Variants in CPVL observed in about 807,000 individuals in gnomAD.
CPVL encodes the protein carboxypeptidase vitellogenic like.
CPVL carries 51 observed loss-of-function variants against 63.7 expected under a neutral mutation model. The observed-to-expected ratio is 0.80, with a 90% CI of 0.64 to 1.01. The LOEUF (loss-of-function observed/expected upper bound fraction) is 1.01. Ranked by LOEUF, CPVL falls within the 50% of genes least tolerant of loss-of-function variation. The pLI is 0.00. For synonymous variants in CPVL, 195 were observed against 206.0 expected (o/e 0.95, Z 0.46); for missense variants, 530 against 573.1 (o/e 0.92, Z 0.77).
chr7:29,172,356 C>T (rs1169776128), intron 5 of CPVL, among the ~76,000 whole-genome samples: 1 of 152,216 alleles, frequency 6.6e-6, no homozygotes, highest in East Asian at 1.9e-4. Context: ...GTGACTTCTA[C>T]ACCTAGGCTC....
chr7:29,031,777 T>C (rs1159904829), intron 11 of CPVL, among the ~76,000 whole-genome samples: 3 of 152,072 alleles, frequency 2.0e-5, no homozygotes, highest in Admixed American at 1.3e-4. Context: ...AAGAATTCTA[T>C]AGGATATTAT....
At chr7:29,109,351 A>G (rs1447843308) in intron 3 of CPVL, among the ~76,000 whole-genome samples, 1 of 152,196 alleles carries the variant, frequency 6.6e-6, no homozygotes, top group Non-Finnish European at 1.5e-5. Flanking sequence ...GGATATGACA[A>G]GTGTGCCATC....
intron 9 of CPVL, among the ~76,000 whole-genome samples, chr7:29,070,989 G>A (rs1421474240): frequency 1.3e-5 from 2 of 152,012 alleles, no homozygotes; most frequent in African/African-American, 2.4e-5. Context: ...TAAAGCCCTC[G>A]AAATTCAGAC....
At chr7:29,183,648 A>G (rs1798346040) in intron 4 of CPVL, among the ~76,000 whole-genome samples, 1 of 151,980 alleles carries the variant, frequency 6.6e-6, no homozygotes, top group African/African-American at 2.4e-5. Flanking sequence ...AAGTACTAGG[A>G]TTACAGGTGT....
exon 2 of CPVL, chr7:29,186,536 CTG>C (rs1798739865): frequency 1.3e-5 from 2 of 150,192 alleles, no homozygotes; most frequent in South Asian, 4.2e-4. Context: ...GATCGTGTCA[CTG>C]TATTGCAGCC....
chr7:29,184,562 A>T (rs1306872924), intron 3 of CPVL: 1 of 152,152 alleles, frequency 6.6e-6, no homozygotes, highest in Admixed American at 6.5e-5. Context: ...AAGGCAGGAA[A>T]ACAGCTGATG....
At chr7:29,057,466 C>T (rs903273588) in intron 11 of CPVL, among the ~76,000 whole-genome samples, 3 of 152,144 alleles carry the variant, frequency 2.0e-5, no homozygotes, top group East Asian at 1.9e-4. Context: ...ATTTACTTGA[C>T]ATTGTTTTTG....
chr7:29,113,902 C>T (rs1788504360), intron 2 of CPVL: 1 of 152,216 alleles, frequency 6.6e-6, no homozygotes, highest in South Asian at 2.1e-4. Flanking sequence ...TTAGTGGTGA[C>T]AAAGAATGTG....
At chr7:29,181,574 C>T (rs961519881) in intron 4 of CPVL, among the ~76,000 whole-genome samples, 5 of 151,998 alleles carry the variant, frequency 3.3e-5, no homozygotes, top group African/African-American at 1.2e-4. Context: ...TTTTATATTG[C>T]CATTAAAAGT....
intron 5 of CPVL, among the ~76,000 whole-genome samples, chr7:29,161,985 A>G (rs1441230842): frequency 1.3e-5 from 2 of 152,152 alleles, no homozygotes; most frequent in South Asian, 2.1e-4. Flanking sequence ...TCACTTATAA[A>G]CCTATTAGAA....
chr7:29,144,900 T>C (rs1334036966), intron 1 of CPVL, among the ~76,000 whole-genome samples: 1 of 152,174 alleles, frequency 6.6e-6, no homozygotes, highest in East Asian at 1.9e-4. Context: ...AGAATCCCAC[T>C]ATAAAGTGAT....
intron 11 of CPVL, among the ~76,000 whole-genome samples, chr7:29,046,846 T>A (rs898884254): frequency 3.9e-5 from 6 of 152,272 alleles, no homozygotes; most frequent in African/African-American, 1.4e-4. Flanking sequence ...TATCCTTTCA[T>A]CACCATGTTT....
chr7:29,106,595 T>C (rs1236973407), intron 3 of CPVL, among the ~76,000 whole-genome samples: 1 of 152,038 alleles, frequency 6.6e-6, no homozygotes, highest in Non-Finnish European at 1.5e-5. Flanking sequence ...AAGCTTAATA[T>C]TGTGCTTGCT....
chr7:29,130,716 T>C (rs577696958), intron 1 of CPVL, among the ~76,000 whole-genome samples: 3 of 152,348 alleles, frequency 2.0e-5, no homozygotes, highest in South Asian at 4.1e-4. Context: ...GTATTTTCCA[T>C]ATACCACTAT....
At chr7:29,025,622 A>G (rs1787418286) in intron 12 of CPVL, among the ~76,000 whole-genome samples, 2 of 152,230 alleles carry the variant, frequency 1.3e-5, no homozygotes, top group African/African-American at 4.8e-5. Flanking sequence ...CTGCAAAGAC[A>G]CATACAGACT....
At chr7:29,184,867 C>T (rs1156278118) in intron 3 of CPVL, among the ~76,000 whole-genome samples, 2 of 152,150 alleles carry the variant, frequency 1.3e-5, no homozygotes, top group Non-Finnish European at 2.9e-5. Flanking sequence ...TAATTATTCA[C>T]CCTTTCAATG....
In CPVL at chr7:29,092,607, A is replaced by T; in HGVS notation, c.542+16T>A. On this transcript the variant is annotated intron_variant, in intron 6 of 12. Transcript: ENST00000265394. ...TTTGGTCTTAGGAAAGCCAAGAGAAAGCAGGAGCATTTTACCTGTATAAAT... is the reference window on the plus strand; with the variant it reads ...TTTGGTCTTAGGAAAGCCAAGAGAATGCAGGAGCATTTTACCTGTATAAAT... The T allele has an allele frequency of 1.3e-6, 2 of 1,590,220 alleles. No homozygotes were observed. Among genetic ancestry groups the T allele is most frequent in the South Asian group, 2.2e-5 (2 of 90,480 alleles).
chr7:29,148,173 G>A (rs922463104), upstream of CPVL, among the ~76,000 whole-genome samples: 4 of 152,196 alleles, frequency 2.6e-5, no homozygotes, highest in African/African-American at 9.7e-5. Flanking sequence ...GTGCCATTTG[G>A]GGAGGGAATT....
At chr7:29,136,143 C>T (rs1791201656) in intron 1 of CPVL, among the ~76,000 whole-genome samples, 1 of 152,190 alleles carries the variant, frequency 6.6e-6, no homozygotes, top group African/African-American at 2.4e-5. Context: ...GGGGGATCCA[C>T]ATGAGATGTC....
Sources: gnomAD v4.1 joint callset for allele counts (sites outside exome capture counted in the v4.1 genomes callset) on GRCh38, gnomAD v4.1.1 for gene constraint, MANE v1.5 for transcripts, NCBI Gene and HGNC (gene_info 2026-07-23, HGNC 2026-07-21) for gene names.